Variants in CDK5RAP2 observed in about 807,000 individuals in gnomAD.
The protein encoded by CDK5RAP2 is CDK5 regulatory subunit associated protein 2.
Under a neutral mutation model 232.9 loss-of-function variants are expected in CDK5RAP2, and 147 were observed. That is an observed-to-expected ratio of 0.63 (90% CI 0.55 to 0.72). The LOEUF (loss-of-function observed/expected upper bound fraction) is 0.72. Ranked by LOEUF, CDK5RAP2 falls within the 30% of genes least tolerant of loss-of-function variation. The probability of loss-of-function intolerance (pLI) is 0.00; values close to 1 mark genes in which losing one functional copy is unlikely to be tolerated. For synonymous variants in CDK5RAP2, 833 were observed against 833.7 expected (o/e 1.00, Z 0.01); for missense variants, 2,195 against 2,231.5 (o/e 0.98, Z 0.33).
rs1564240305 is a variant in CDK5RAP2, at chr9:120,453,805, G to C, written c.2444C>G (p.Ser815Cys). 2.5e-6 allele frequency: 4 copies of C among 1,614,194 alleles called. No individual in the cohort carries two copies. The highest frequency in any genetic ancestry group is 3.4e-6 in the Non-Finnish European group (4 of 1,180,030). Residue 815 changes from serine (S) to cysteine (C), a missense_variant, in exon 21 of 38, where the codon TCT becomes TGT. By Grantham distance (112) the Ser-to-Cys change is moderately radical. Transcript: ENST00000349780. Reference protein sequence around the residue: ...GQLFLTEQEVSGEHLDGKTEK... With the variant: ...GQLFLTEQEVCGEHLDGKTEK... The stretch of plus-strand genomic sequence containing the variant: ...AGTTTTACCATCAAGGTGTTCTCCA[G>C]AAACTTCCTGCTCTGTCAAGAATAG...
chr9:120,516,529 A>G (rs945923388), intron 12 of CDK5RAP2, among the ~76,000 whole-genome samples: 3 of 152,158 alleles, frequency 2.0e-5, no homozygotes, highest in Non-Finnish European at 4.4e-5. Context: ...TAAAAAATAA[A>G]AAATAAAAAA....
At position 120,435,470 on chromosome 9, in the gene CDK5RAP2, T is replaced by TACACACACACACACAC. The variant is rs55654634; in HGVS notation, c.3955+1809_3955+1824dup. Reference sequence around the variant, plus strand: ...TTTTTTAAAAAATAAATTACACATTTACACACACACACACACACACACACA... The same window carrying TACACACACACACACAC: ...TTTTTTAAAAAATAAATTACACATTTACACACACACACACACACACACACACACACACACACACACA... On this transcript the variant is annotated intron_variant, in intron 25 of 37. Coordinates refer to ENST00000349780, the MANE Select transcript of CDK5RAP2 (RefSeq NM_018249.6). 1.5e-3 allele frequency among the ~76,000 whole-genome samples: 221 copies of TACACACACACACACAC among 147,406 alleles called. 1 individual carries two copies. The highest frequency in any genetic ancestry group is 5.4e-3 in the African/African-American group (217 of 39,994).
intron 28 of CDK5RAP2, among the ~76,000 whole-genome samples, chr9:120,412,457 A>G (rs1251088655): frequency 6.6e-6 from 1 of 152,178 alleles, no homozygotes; most frequent in Non-Finnish European, 1.5e-5. Context: ...GTCTGCTGGG[A>G]GCTTCTGGGA....
At chr9:120,498,234 G>A (rs894988307) in intron 12 of CDK5RAP2, among the ~76,000 whole-genome samples, 3 of 152,054 alleles carry the variant, frequency 2.0e-5, no homozygotes, top group African/African-American at 7.2e-5. Flanking sequence ...CTTAGCGATG[G>A]CCCCCTAGTG....
chr9:120,454,083 A>G (rs2036622759), intron 20 of CDK5RAP2, among the ~76,000 whole-genome samples: 1 of 152,254 alleles, frequency 6.6e-6, no homozygotes. Context: ...CTACCATGTC[A>G]TTTCATGGAT....
At chr9:120,519,310 T>C (rs1247036199) in intron 11 of CDK5RAP2, among the ~76,000 whole-genome samples, 1 of 152,172 alleles carries the variant, frequency 6.6e-6, no homozygotes, top group Non-Finnish European at 1.5e-5. Flanking sequence ...TAAGTGAGCA[T>C]GTTACTTTAA....
chr9:120,512,163 A>G (rs1588526328), intron 12 of CDK5RAP2, among the ~76,000 whole-genome samples: 1 of 152,214 alleles, frequency 6.6e-6, no homozygotes, highest in Non-Finnish European at 1.5e-5. Flanking sequence ...AGTCTGGGCA[A>G]CATAGCAAAA....
At chr9:120,440,427 C>T (rs2035834013) in intron 23 of CDK5RAP2, 2 of 205,766 alleles carry the variant, frequency 9.7e-6, no homozygotes, top group South Asian at 1.8e-4. Context: ...TTTGCATGGG[C>T]CGTGCCCTCT....
Position 120,439,624 on chromosome 9 carries a change from C to T in CDK5RAP2, c.3497G>A (p.Gly1166Glu). ...CAAACTTGAAAAGGTCATTTCTTCC[C>T]CATCAGAACCATTCTTGGGCTTGCT... ...GLSKPKNGSD[G>E]EEMTFSSLHQ... Residue 1166 changes from glycine (G) to glutamate (E), a missense_variant, in exon 24 of 38, where the codon GGG (glycine) becomes GAG (glutamate). Transcript: ENST00000349780. The T allele has an allele frequency of 1.2e-6, 2 of 1,614,180 alleles. No homozygotes were observed. Among genetic ancestry groups the T allele is most frequent in the Non-Finnish European group, 1.7e-6 (2 of 1,180,042 alleles).
chr9:120,486,601 G>A (rs1230462551), intron 14 of CDK5RAP2, among the ~76,000 whole-genome samples: 1 of 152,090 alleles, frequency 6.6e-6, no homozygotes, highest in East Asian at 1.9e-4. Flanking sequence ...CTGTACAGGA[G>A]CCCAGGTGAG....
chr9:120,479,829 T>A (rs2038210189), intron 14 of CDK5RAP2, among the ~76,000 whole-genome samples: 1 of 152,164 alleles, frequency 6.6e-6, no homozygotes, highest in African/African-American at 2.4e-5. Flanking sequence ...CTGATGAAAT[T>A]CAAATGAGTC....
At chr9:120,398,236 T>G (rs1424472525) in intron 35 of CDK5RAP2, among the ~76,000 whole-genome samples, 1 of 152,254 alleles carries the variant, frequency 6.6e-6, no homozygotes, top group Non-Finnish European at 1.5e-5. Context: ...TGATATGTGC[T>G]ATTCAAATTT....
chr9:120,400,979 G>A (rs2032959860), intron 34 of CDK5RAP2, 94 bp from the exon 35 acceptor site: 1 of 1,421,718 alleles, frequency 7.0e-7, no homozygotes, highest in African/African-American at 1.4e-5. Flanking sequence ...CAGACTGTAG[G>A]GCTTCTGTTT....
chr9:120,569,445 G>A (rs756120093), intron 2 of CDK5RAP2, among the ~76,000 whole-genome samples: 1 of 152,188 alleles, frequency 6.6e-6, no homozygotes, highest in East Asian at 1.9e-4. Context: ...GCCATTTTAG[G>A]TAAGGTGGTT....
chr9:120,498,856 AAAAT>A (rs753712311), intron 12 of CDK5RAP2, among the ~76,000 whole-genome samples: 2 of 152,076 alleles, frequency 1.3e-5, no homozygotes, highest in Admixed American at 6.5e-5. Context: ...CCCCATCTCT[AAAAT>A]AAATAAATAA....
rs1381570765 is a variant in CDK5RAP2, at chr9:120,411,398, C to T, written c.4374G>A (p.Gln1458=). ...TGAGCATTGCATTGAGGGCCTGGTT[C>T]TGCTTCCTCAAGAAATGAATTTCTG... ...LTSEIHFLRK[Q]NQALNAMLIK... is the part of the protein sequence containing the mutation. The change falls in exon 29 of 38, where the codon CAG becomes CAA. Residue 1458 remains glutamine, a synonymous_variant. Transcript: ENST00000349780. 1 of 1,613,092 alleles carries T rather than the reference C, an allele frequency of 6.2e-7. No homozygotes were observed. Among genetic ancestry groups the T allele is most frequent in the Non-Finnish European group, 8.5e-7 (1 of 1,179,042 alleles).
intron 3 of CDK5RAP2, among the ~76,000 whole-genome samples, chr9:120,563,741 A>G (rs1275477258): frequency 1.3e-5 from 2 of 152,204 alleles, no homozygotes; most frequent in Admixed American, 1.3e-4. Flanking sequence ...CTTCGGGGCC[A>G]TACAAGTGGG....
At chr9:120,486,775 G>C (rs1256336778) in intron 14 of CDK5RAP2, among the ~76,000 whole-genome samples, 1 of 152,174 alleles carries the variant, frequency 6.6e-6, no homozygotes, top group Non-Finnish European at 1.5e-5. Flanking sequence ...CACCTGCAGA[G>C]ATGTTCAGGA....
At chr9:120,572,126 C>A in intron 1 of CDK5RAP2, 85 bp from the exon 2 acceptor site, 1 of 1,049,724 alleles carries the variant, frequency 9.5e-7, no homozygotes, top group Non-Finnish European at 1.5e-6. Flanking sequence ...ACATGACAAT[C>A]ATCCCATGGC....
Sources: allele counts gnomAD v4.1 joint callset (sites outside exome capture counted in the v4.1 genomes callset), GRCh38; gene constraint gnomAD v4.1.1; transcripts MANE v1.5; gene names NCBI Gene and HGNC (gene_info 2026-07-23, HGNC 2026-07-21).